FOXN2: variants seen among roughly 807,000 people sequenced by gnomAD.
FOXN2 encodes the protein forkhead box N2.
A neutral mutation model predicts 41.2 loss-of-function variants in FOXN2; 19 were observed. The ratio of observed to expected loss-of-function variants is 0.46; its 90% CI spans 0.32 to 0.68. FOXN2 has a LOEUF of 0.68. Among genes scored for constraint, FOXN2 ranks in the 30% least tolerant of loss-of-function variants. FOXN2 has a pLI of 0.03. For synonymous variants in FOXN2, 195 were observed against 176.8 expected, an observed-to-expected ratio of 1.10 and a Z score of -0.82; for missense variants, 587 against 509.4, an observed-to-expected ratio of 1.15 and a Z score of -1.47.
chr2:48,352,811 G>A (rs1157537777), intron 3 of FOXN2, among the ~76,000 whole-genome samples: 1 of 152,132 alleles, frequency 6.6e-6, no homozygotes, highest in Non-Finnish European at 1.5e-5. Flanking sequence ...CCAAAAAAGT[G>A]AGATACGTGG....
At chr2:48,331,777 A>G (rs2104232006) in intron 2 of FOXN2, among the ~76,000 whole-genome samples, 1 of 151,610 alleles carries the variant, frequency 6.6e-6, no homozygotes, top group South Asian at 2.1e-4. Flanking sequence ...TGATCATGCC[A>G]CTGCACTCCG....
At chr2:48,343,114 G>C (rs1670880446) in intron 2 of FOXN2, among the ~76,000 whole-genome samples, 1 of 152,172 alleles carries the variant, frequency 6.6e-6, no homozygotes, top group African/African-American at 2.4e-5. Context: ...TTTCTTGAGC[G>C]ATTGAGAGTG....
At chr2:48,314,597 T>C (rs1258998157), upstream of FOXN2, 1 of 150,634 alleles carries the variant, frequency 6.6e-6, no homozygotes, top group Non-Finnish European at 1.5e-5. Flanking sequence ...CTAATCGCCT[T>C]GGCGCCGCGT....
At chr2:48,370,667 T>G (rs1345859805) in intron 5 of FOXN2, among the ~76,000 whole-genome samples, 3 of 152,216 alleles carry the variant, frequency 2.0e-5, no homozygotes, top group African/African-American at 7.2e-5. Flanking sequence ...TTTGTTTTCC[T>G]GTTGAGATGC....
intron 1 of FOXN2, among the ~76,000 whole-genome samples, chr2:48,320,251 T>G (rs1669209525): frequency 6.6e-6 from 1 of 152,124 alleles, no homozygotes; most frequent in Admixed American, 6.5e-5. Flanking sequence ...GTGTTTACTA[T>G]GTATTGGCAT....
chr2:48,342,773 G>T (rs1247702890), intron 2 of FOXN2, among the ~76,000 whole-genome samples: 2 of 152,078 alleles, frequency 1.3e-5, no homozygotes, highest in African/African-American at 2.4e-5. Flanking sequence ...TTTATAAACG[G>T]CTTTTTTTCC....
At chr2:48,366,349 A>C in intron 5 of FOXN2, among the ~76,000 whole-genome samples, 1 of 137,118 alleles carries the variant, frequency 7.3e-6, no homozygotes, top group African/African-American at 2.6e-5. Context: ...ACAGAGTGAG[A>C]CTCCAAAAAA....
At chr2:48,337,861 G>A (rs1392435135) in intron 2 of FOXN2, among the ~76,000 whole-genome samples, 1 of 152,192 alleles carries the variant, frequency 6.6e-6, no homozygotes, top group African/African-American at 2.4e-5. Context: ...GGAAAAAATT[G>A]AAAAGTTTTT....
Position 48,375,555 on chromosome 2 carries a change from C to A in FOXN2, c.*112C>A. ...GGGAAGGGATACTAATTACTTATTT[C>A]TTTCAAAACATTTTTGGTTTTTGGT... On this transcript the variant is annotated 3_prime_UTR_variant, in exon 7 of 7. Coordinates refer to ENST00000340553, the MANE Select transcript of FOXN2 (RefSeq NM_002158.4). 1 of 1,134,160 alleles carries A rather than the reference C, an allele frequency of 8.8e-7. No individual in the cohort carries two copies. The highest frequency in any genetic ancestry group is 1.2e-6 in the Non-Finnish European group (1 of 827,764). The allele number at this position is 1,134,160 out of a possible 1,614,324, so 70.3% of individuals were successfully genotyped here.
intron 2 of FOXN2, among the ~76,000 whole-genome samples, chr2:48,333,758 T>C (rs775824288): frequency 1.3e-5 from 2 of 152,172 alleles, no homozygotes; most frequent in African/African-American, 2.4e-5. Flanking sequence ...TGGCAAAACA[T>C]GATCTGAGTG....
At chr2:48,320,228 T>C (rs1051235595) in intron 1 of FOXN2, among the ~76,000 whole-genome samples, 32 of 152,274 alleles carry the variant, frequency 2.1e-4, no homozygotes, top group African/African-American at 7.5e-4. Context: ...TAGCAACAAC[T>C]GCAGTCTTTA....
intron 2 of FOXN2, among the ~76,000 whole-genome samples, chr2:48,340,438 T>C (rs920673178): frequency 1.1e-4 from 17 of 152,154 alleles, no homozygotes; most frequent in Admixed American, 2.0e-4. Context: ...GAGTAGGATA[T>C]CACTATAACA....
At chr2:48,320,141 G>A (rs1440308062) in intron 1 of FOXN2, among the ~76,000 whole-genome samples, 1 of 151,964 alleles carries the variant, frequency 6.6e-6, no homozygotes, top group African/African-American at 2.4e-5. Context: ...CCATGCCTTT[G>A]TCCAACCCTT....
rs1399134745 is a variant in FOXN2, at chr2:48,375,537, G to C, written c.*94G>C. 3.3e-6 allele frequency: 4 copies of C among 1,216,636 alleles called. No homozygotes were observed. In the Admixed American group the frequency reaches 8.4e-5, roughly 26 times the overall value. 75.4% of individuals were successfully genotyped at this position (1,216,636 alleles called of 1,614,324 possible). A position where few individuals can be genotyped will look rare whatever the true frequency, so the allele number is the denominator to read the frequency against. On this transcript the variant is annotated 3_prime_UTR_variant, in exon 7 of 7. Coordinates refer to ENST00000340553, the MANE Select transcript of FOXN2 (RefSeq NM_002158.4). ...TTCATTAGTTTTAGGGTAGGGAAGGGATACTAATTACTTATTTCTTTCAAA... is the reference window on the plus strand; with the variant it reads ...TTCATTAGTTTTAGGGTAGGGAAGGCATACTAATTACTTATTTCTTTCAAA...
intron 5 of FOXN2, among the ~76,000 whole-genome samples, chr2:48,372,434 T>A (rs1018725099): frequency 6.6e-6 from 1 of 152,178 alleles, no homozygotes; most frequent in Non-Finnish European, 1.5e-5. Flanking sequence ...AGATTAGAAA[T>A]TTCATATCTG....
chr2:48,347,988 T>A (rs1415598477), intron 3 of FOXN2, among the ~76,000 whole-genome samples: 1 of 152,134 alleles, frequency 6.6e-6, no homozygotes, highest in Non-Finnish European at 1.5e-5. Context: ...TTTTTCTTTC[T>A]CTCTTTATCA....
chr2:48,327,381 A>T (rs1045379518), intron 1 of FOXN2, among the ~76,000 whole-genome samples: 2 of 152,122 alleles, frequency 1.3e-5, no homozygotes, highest in Non-Finnish European at 2.9e-5. Flanking sequence ...TTTAGGTTGT[A>T]TTCCATATAA....
At chr2:48,321,057 C>G (rs767261013) in intron 1 of FOXN2, among the ~76,000 whole-genome samples, 4 of 151,736 alleles carry the variant, frequency 2.6e-5, no homozygotes, top group Non-Finnish European at 5.9e-5. Context: ...TTTCAGTTTT[C>G]TAGTACAGCA....
intron 2 of FOXN2, among the ~76,000 whole-genome samples, chr2:48,336,250 T>A (rs1398052157): frequency 2.7e-5 from 4 of 150,774 alleles, no homozygotes; most frequent in Non-Finnish European, 5.9e-5. Context: ...CCAAAAATAT[T>A]TTTTTAAAAA....
Sources: gnomAD v4.1 joint callset for allele counts (sites outside exome capture counted in the v4.1 genomes callset) on GRCh38, gnomAD v4.1.1 for gene constraint, MANE v1.5 for transcripts, NCBI Gene and HGNC (gene_info 2026-07-23, HGNC 2026-07-21) for gene names.